The following CFAP299 variants were observed in gnomAD, a reference collection of about 807,000 sequenced individuals.
CFAP299 encodes the protein cilia and flagella associated protein 299, also known as cilia- and flagella-associated protein 299.
A neutral mutation model predicts 27.0 loss-of-function variants in CFAP299; 21 were observed. That is an observed-to-expected ratio of 0.78 (90% CI 0.55 to 1.12). The LOEUF (loss-of-function observed/expected upper bound fraction) is 1.12. Ranked by LOEUF, CFAP299 falls within the 50% of genes most tolerant of loss-of-function variation. CFAP299 has a pLI of 0.00. For missense variants in CFAP299, 310 were observed against 276.6 expected (o/e 1.12, Z -0.86); for synonymous variants, 104 against 98.1 (o/e 1.06, Z -0.36).
At chr4:80,521,095 G>C (rs1732886611) in intron 2 of CFAP299, among the ~76,000 whole-genome samples, 1 of 152,066 alleles carries the variant, frequency 6.6e-6, no homozygotes, top group Admixed American at 6.6e-5. Flanking sequence ...GAAAATTCTG[G>C]GATCACCTGA....
chr4:80,339,332 G>A (rs199754138), intron 1 of CFAP299, among the ~76,000 whole-genome samples: 3 of 152,056 alleles, frequency 2.0e-5, no homozygotes, highest in African/African-American at 4.8e-5. Flanking sequence ...CTTTTTGGTC[G>A]TGAGTTTGCC....
intron 4 of CFAP299, among the ~76,000 whole-genome samples, chr4:80,928,430 A>G (rs1736410970): frequency 6.6e-6 from 1 of 152,120 alleles, no homozygotes; most frequent in South Asian, 2.1e-4. Context: ...GAAAATTACT[A>G]TTCTAGAAAA....
chr4:80,581,453 G>GATATATATATATATAT (rs70944794), intron 2 of CFAP299, among the ~76,000 whole-genome samples: 1,049 of 102,500 alleles, frequency 0.01, 56 homozygotes, highest in African/African-American at 0.032. Context: ...TATTAAGTGA[G>GATATATATATATATAT]ATATATATAT....
chr4:80,821,951 C>T (rs1729731408), intron 3 of CFAP299, among the ~76,000 whole-genome samples: 3 of 151,964 alleles, frequency 2.0e-5, no homozygotes, highest in African/African-American at 7.2e-5. Context: ...CATGGACTCT[C>T]CTGAGGGCCT....
chr4:80,906,936 C>T (rs1735214774), intron 4 of CFAP299, among the ~76,000 whole-genome samples: 1 of 152,168 alleles, frequency 6.6e-6, no homozygotes, highest in East Asian at 1.9e-4. Flanking sequence ...CTCTTCATTA[C>T]TTATGTAAAT....
At chr4:80,667,652 A>G (rs1374485686) in intron 3 of CFAP299, among the ~76,000 whole-genome samples, 1 of 152,168 alleles carries the variant, frequency 6.6e-6, no homozygotes, top group African/African-American at 2.4e-5. Context: ...TACAAATGAC[A>G]GGATTCATTC....
chr4:80,954,591 T>C (rs567882371), intron 5 of CFAP299, among the ~76,000 whole-genome samples: 2 of 152,016 alleles, frequency 1.3e-5, no homozygotes, highest in South Asian at 4.2e-4. Context: ...CACAGTTAAA[T>C]GAACAAAAAT....
chr4:80,563,957 T>C (rs1426706287), intron 2 of CFAP299, among the ~76,000 whole-genome samples: 1 of 151,992 alleles, frequency 6.6e-6, no homozygotes, highest in Non-Finnish European at 1.5e-5. Context: ...AATTCTTAGA[T>C]ACATACAACC....
chr4:80,956,931 TTTTTAAA>T (rs1738100985), intron 5 of CFAP299, among the ~76,000 whole-genome samples: 1 of 152,184 alleles, frequency 6.6e-6, no homozygotes, highest in Admixed American at 6.5e-5. Flanking sequence ...TCATGCAAAA[TTTTTAAA>T]TTTTTCTATG....
intron 3 of CFAP299, among the ~76,000 whole-genome samples, chr4:80,787,026 A>G (rs1727285343): frequency 1.3e-5 from 2 of 151,830 alleles, no homozygotes; most frequent in Admixed American, 1.3e-4. Context: ...GTCCCAATAA[A>G]ATGGGTTGAA....
At chr4:80,897,703 C>G (rs1477376841) in intron 4 of CFAP299, among the ~76,000 whole-genome samples, 2 of 152,176 alleles carry the variant, frequency 1.3e-5, no homozygotes, top group African/African-American at 4.8e-5. Context: ...TATCAAGAAT[C>G]TTCTGCCACA....
chr4:80,728,280 C>T (rs1426447578), intron 3 of CFAP299, among the ~76,000 whole-genome samples: 4 of 151,954 alleles, frequency 2.6e-5, no homozygotes, highest in African/African-American at 9.7e-5. Context: ...ACTTCCATAT[C>T]CACAAAACTT....
chr4:80,933,140 T>C (rs1736707727), intron 4 of CFAP299, among the ~76,000 whole-genome samples: 1 of 148,036 alleles, frequency 6.8e-6, no homozygotes, highest in Admixed American at 6.7e-5. Context: ...TTCTTTTTCT[T>C]TCTTTCCTTT....
At chr4:80,870,514 G>A (rs1733019117) in intron 4 of CFAP299, 1 of 992,334 alleles carries the variant, frequency 1.0e-6, no homozygotes, top group Non-Finnish European at 1.2e-6. Flanking sequence ...CAGCCAAAGT[G>A]CTGGCCCCTG....
intron 3 of CFAP299, among the ~76,000 whole-genome samples, chr4:80,587,394 G>A (rs920426527): frequency 1.3e-5 from 2 of 152,066 alleles, no homozygotes; most frequent in Non-Finnish European, 2.9e-5. Flanking sequence ...AAGAGCGAAG[G>A]TTATGGAGTC....
At chr4:80,782,029 T>C (rs1179215786) in intron 3 of CFAP299, among the ~76,000 whole-genome samples, 1 of 152,152 alleles carries the variant, frequency 6.6e-6, no homozygotes, top group Non-Finnish European at 1.5e-5. Context: ...CTACTATTTT[T>C]GCCCAGAATC....
intron 3 of CFAP299, among the ~76,000 whole-genome samples, chr4:80,681,437 A>C (rs1283394053): frequency 6.6e-6 from 1 of 151,994 alleles, no homozygotes; most frequent in African/African-American, 2.4e-5. Flanking sequence ...CAAAAAAAAA[A>C]ACTGAGAAAT....
intron 3 of CFAP299, among the ~76,000 whole-genome samples, chr4:80,738,348 A>G (rs1724038239): frequency 6.6e-6 from 1 of 152,076 alleles, no homozygotes; most frequent in South Asian, 2.1e-4. Flanking sequence ...TTCAGATACT[A>G]TTTATTTGGG....
At chr4:80,328,272 T>C in the CFAP299 span, among the ~76,000 whole-genome samples, 2 of 152,056 alleles carry the variant, frequency 1.3e-5, no homozygotes, top group African/African-American at 4.8e-5. Flanking sequence ...TTTAAAGACA[T>C]GAGATTCTAG....
Sources: gnomAD v4.1 joint callset for allele counts (sites outside exome capture counted in the v4.1 genomes callset) on GRCh38, gnomAD v4.1.1 for gene constraint, MANE v1.5 for transcripts, NCBI Gene and HGNC (gene_info 2026-07-23, HGNC 2026-07-21) for gene names.